Variants in ASIC2 observed in about 807,000 individuals in gnomAD.
ASIC2 encodes the protein acid-sensing ion channel 2.
In ASIC2, 25 loss-of-function variants were observed where a neutral mutation model predicts 57.3. The observed-to-expected ratio is 0.44, with a 90% CI of 0.32 to 0.61. The LOEUF (loss-of-function observed/expected upper bound fraction) is 0.61. Ranked by LOEUF, ASIC2 falls within the 20% of genes least tolerant of loss-of-function variation. ASIC2 has a pLI of 0.06. For missense variants in ASIC2, 641 were observed against 738.1 expected (o/e 0.87, Z 1.52); for synonymous variants, 319 against 307.5 (o/e 1.04, Z -0.39).
At chr17:33,056,084 A>G (rs1598256191) in intron 3 of ASIC2, among the ~76,000 whole-genome samples, 1 of 152,354 alleles carries the variant, frequency 6.6e-6, no homozygotes, top group African/African-American at 2.4e-5. Flanking sequence ...CCTATTTGAC[A>G]GAAGGGAAAA....
Position 33,879,805 on chromosome 17 carries a change from G to T in ASIC2, c.555+276173C>A, listed in dbSNP as rs317360. Among the ~76,000 whole-genome samples, 4 of 151,966 alleles carry T rather than the reference G, an allele frequency of 2.6e-5. No individual in the cohort carries two copies. The East Asian group carries it at 5.8e-4, about 22-fold the overall frequency. On this transcript the variant is annotated intron_variant, in intron 1 of 9. Coordinates refer to the ASIC2 transcript ENST00000359872. ...ACCCAAAATCAACAGAATATACATT[G>T]TTTTCAGCACCACACCACACCTATT...
At chr17:33,549,968 C>T (rs989100839) in intron 1 of ASIC2, among the ~76,000 whole-genome samples, 9 of 152,282 alleles carry the variant, frequency 5.9e-5, no homozygotes, top group African/African-American at 2.2e-4. Context: ...AGGCCTGGAC[C>T]AGCTTCACCT....
At chr17:33,721,148 T>G (rs1909377093) in intron 1 of ASIC2, among the ~76,000 whole-genome samples, 1 of 152,226 alleles carries the variant, frequency 6.6e-6, no homozygotes. Flanking sequence ...CCTGGTGTTG[T>G]GTGGAACTCA....
chr17:34,131,120 G>A (rs577733509), intron 1 of ASIC2, among the ~76,000 whole-genome samples: 1 of 152,284 alleles, frequency 6.6e-6, no homozygotes, highest in South Asian at 2.1e-4. Context: ...GAAAGCCTTC[G>A]GGAAAGAGTG....
At chr17:33,416,658 T>C (rs956023328) in intron 1 of ASIC2, among the ~76,000 whole-genome samples, 1 of 152,218 alleles carries the variant, frequency 6.6e-6, no homozygotes, top group African/African-American at 2.4e-5. Context: ...GGCTTTTTAA[T>C]AGCTGGGGGC....
intron 1 of ASIC2, among the ~76,000 whole-genome samples, chr17:33,978,251 T>G (rs1014770781): frequency 4.6e-5 from 7 of 152,200 alleles, no homozygotes; most frequent in Non-Finnish European, 8.8e-5. Flanking sequence ...CCTAAGTTTT[T>G]GTCCCAATGT....
chr17:33,799,377 C>T (rs2881779), intron 1 of ASIC2, among the ~76,000 whole-genome samples: 6,280 of 39,830 alleles, frequency 0.16, 320 homozygotes, highest in Middle Eastern at 0.2. Context: ...TTTCTTTCTT[C>T]CTTTCTTTCT....
At chr17:33,882,891 A>T (rs1462199885) in intron 1 of ASIC2, among the ~76,000 whole-genome samples, 2 of 152,258 alleles carry the variant, frequency 1.3e-5, no homozygotes, top group Admixed American at 1.3e-4. Flanking sequence ...TAGATTAAGA[A>T]AATGTGGCAC....
intron 1 of ASIC2, among the ~76,000 whole-genome samples, chr17:33,628,037 T>TA (rs1423590835): frequency 6.6e-6 from 1 of 151,532 alleles, no homozygotes; most frequent in Non-Finnish European, 1.5e-5. Context: ...CTCAAAAAAA[T>TA]AAAAAAAGAA....
chr17:33,931,065 T>G (rs548016479), intron 1 of ASIC2: 1 of 152,240 alleles, frequency 6.6e-6, no homozygotes, highest in African/African-American at 2.4e-5. Flanking sequence ...ACTGATGCAG[T>G]TTTACTTTGC....
At chr17:33,471,140 G>A (rs116601589) in intron 1 of ASIC2, among the ~76,000 whole-genome samples, 2,839 of 152,248 alleles carry the variant, frequency 0.019, 89 homozygotes, top group African/African-American at 0.064. Flanking sequence ...CAATGGCTTT[G>A]GCTCACGTTT....
chr17:33,789,464 TCACACACACACACACACA>T (rs3064584), intron 1 of ASIC2, among the ~76,000 whole-genome samples: 17 of 144,414 alleles, frequency 1.2e-4, no homozygotes, highest in African/African-American at 4.4e-4. Flanking sequence ...AGAATCATGG[TCACACACACACACACACA>T]CACACACACA....
chr17:33,911,533 T>C (rs1915461747), intron 1 of ASIC2, among the ~76,000 whole-genome samples: 1 of 152,234 alleles, frequency 6.6e-6, no homozygotes, highest in African/African-American at 2.4e-5. Flanking sequence ...CCTCTGCTTA[T>C]ACTTCATTGG....
intron 2 of ASIC2, among the ~76,000 whole-genome samples, chr17:33,096,390 T>C (rs985321354): frequency 6.6e-6 from 1 of 152,202 alleles, no homozygotes; most frequent in Non-Finnish European, 1.5e-5. Flanking sequence ...AACTAAATCA[T>C]GTCTATTTTC....
intron 1 of ASIC2, among the ~76,000 whole-genome samples, chr17:33,382,621 C>T (rs1909529850): frequency 4.6e-5 from 7 of 152,250 alleles, no homozygotes; most frequent in Admixed American, 4.6e-4. Context: ...GCATAATCCA[C>T]AAACAGCTCA....
chr17:33,578,132 C>G (rs1916697160), intron 1 of ASIC2, among the ~76,000 whole-genome samples: 1 of 152,160 alleles, frequency 6.6e-6, no homozygotes, highest in South Asian at 2.1e-4. Context: ...ATTCTACTGG[C>G]AGTTTAGAGA....
intron 1 of ASIC2, among the ~76,000 whole-genome samples, chr17:33,899,917 G>T (rs559261011): frequency 6.6e-6 from 1 of 152,184 alleles, no homozygotes; most frequent in Non-Finnish European, 1.5e-5. Flanking sequence ...CACAACCTCT[G>T]CAATTGTACA....
chr17:33,863,215 C>A (rs1161965609), intron 1 of ASIC2, among the ~76,000 whole-genome samples: 1 of 152,250 alleles, frequency 6.6e-6, no homozygotes, highest in East Asian at 1.9e-4. Context: ...CCTGGCCATT[C>A]TGGGCCACGT....
At chr17:33,680,081 G>A (rs1294724209) in intron 1 of ASIC2, among the ~76,000 whole-genome samples, 1 of 152,150 alleles carries the variant, frequency 6.6e-6, no homozygotes, top group African/African-American at 2.4e-5. Context: ...AATGGAGGGA[G>A]GCTGGTGGTG....
Sources: gnomAD v4.1 joint callset for allele counts (sites outside exome capture counted in the v4.1 genomes callset) on GRCh38, gnomAD v4.1.1 for gene constraint, MANE v1.5 for transcripts, NCBI Gene and HGNC (gene_info 2026-07-23, HGNC 2026-07-21) for gene names.